EXOC3L2: variants seen among roughly 807,000 people sequenced by gnomAD.
The protein encoded by EXOC3L2 is exocyst complex component 3-like protein 2.
In EXOC3L2, 17 loss-of-function variants were observed where a neutral mutation model predicts 44.4. That is an observed-to-expected ratio of 0.38 (90% CI 0.26 to 0.57). The LOEUF (loss-of-function observed/expected upper bound fraction) is 0.57, where lower values mean the gene tolerates loss of function less well. Among genes scored for constraint, EXOC3L2 ranks in the 20% least tolerant of loss-of-function variants. EXOC3L2 has a pLI of 0.65. For missense variants in EXOC3L2, 541 were observed against 588.4 expected (o/e 0.92, Z 0.83); for synonymous variants, 256 against 253.7 (o/e 1.01, Z -0.09).
intron 11 of EXOC3L2, 131 bp downstream of exon 11, chr19:45,215,942 G>T: frequency 1.5e-6 from 2 of 1,312,502 alleles, no homozygotes; most frequent in African/African-American, 1.5e-5. Flanking sequence ...CCTGGTTCCA[G>T]CAGGAAACGG....
rs11667509 is a variant in EXOC3L2 at position 45,212,934 on chromosome 19, G to C, written c.*135C>G. On this transcript the variant is annotated 3_prime_UTR_variant, in exon 12 of 12. Coordinates refer to ENST00000413988, the MANE Select transcript of EXOC3L2 (RefSeq NM_001382422.1). ...CTTCTGTACAGGGAGTTTGGGGTTG[G>C]GTGAAAAGACATCTAAGGGTCTTTC... 359,057 of 1,020,906 alleles carry C rather than the reference G, an allele frequency of 0.35. 68,960 individuals are homozygous for C. The highest frequency in any genetic ancestry group is 0.51 in the Middle Eastern group (1,568 of 3,096). The allele number at this position is 1,020,906 out of a possible 1,614,324, so 63.2% of individuals were successfully genotyped here.
In EXOC3L2 at chr19:45,215,565, GGAT is replaced by G. The variant is rs369100560; in HGVS notation, c.2120+505_2120+507del. Among the ~76,000 whole-genome samples the G allele has an allele frequency of 3.4e-3, 522 of 152,030 alleles. 5 individuals carry two copies. The highest frequency in any genetic ancestry group is 5.9e-3 in the Non-Finnish European group (401 of 67,958). ...GAACTGGAATTGTTACTATAGTCAT[GGAT>G]GATGATGATGATGATGATGATGATA... On this transcript the variant is annotated intron_variant, in intron 11 of 11. Transcript: ENST00000413988.
intron 11 of EXOC3L2, 49 bp downstream of exon 11, chr19:45,216,024 G>C: frequency 1.9e-6 from 3 of 1,605,290 alleles, no homozygotes; most frequent in Non-Finnish European, 2.6e-6. Context: ...AGGCCGCCAG[G>C]AGACCTCGGC....
intron 9 of EXOC3L2, 97 bp from the exon 10 acceptor site, chr19:45,217,780 T>A: frequency 1.5e-6 from 2 of 1,330,026 alleles, no homozygotes; most frequent in Non-Finnish European, 1.9e-6. Context: ...CTCGCCCACA[T>A]CCACTCCGGG....
At chr19:45,231,070 A>T (rs773141460) in intron 4 of EXOC3L2, among the ~76,000 whole-genome samples, 49 of 151,968 alleles carry the variant, frequency 3.2e-4, no homozygotes, top group Non-Finnish European at 6.5e-4. Flanking sequence ...GCCTGGGCAA[A>T]AGAGGGAGAC....
At chr19:45,220,476 AC>A (rs1383906993) in intron 8 of EXOC3L2, among the ~76,000 whole-genome samples, 8 of 152,188 alleles carry the variant, frequency 5.3e-5, no homozygotes, top group African/African-American at 1.9e-4. Flanking sequence ...TCTCAAAAAA[AC>A]AAACAGAAAC....
intron 11 of EXOC3L2, among the ~76,000 whole-genome samples, chr19:45,215,714 C>T (rs1422078510): frequency 5.3e-5 from 8 of 152,144 alleles, no homozygotes; most frequent in Non-Finnish European, 1.0e-4. Context: ...ATGCCGCCTG[C>T]GCCTGCCGCT....
chr19:45,229,312 GTATTAAATATATACATATA>G, intron 4 of EXOC3L2, among the ~76,000 whole-genome samples: 1 of 117,270 alleles, frequency 8.5e-6, no homozygotes, highest in Non-Finnish European at 1.7e-5. Flanking sequence ...ATATATTTAT[GTATTAAATATATACATATA>G]TTTATGTATT....
intron 8 of EXOC3L2, among the ~76,000 whole-genome samples, chr19:45,223,108 G>C (rs1969915793): frequency 6.6e-6 from 1 of 152,096 alleles, no homozygotes; most frequent in Non-Finnish European, 1.5e-5. Flanking sequence ...CAAATAAATA[G>C]GCAGGGCGAG....
Position 45,227,267 on chromosome 19 carries a change from G to C in EXOC3L2, c.1583+395C>G, listed in dbSNP as rs191036928. ...CGAGTAGCTGGGACTACAGGTGCCC[G>C]CCACCATGCCCGGCTAATTTTTTTT... On this transcript the variant is annotated intron_variant, in intron 7 of 11. Transcript: ENST00000413988. Among the ~76,000 whole-genome samples the C allele has an allele frequency of 9.0e-3, 1,333 of 147,362 alleles. 72 individuals carry two copies. The East Asian group carries it at 0.14, about 15-fold the overall frequency.
In EXOC3L2 at chr19:45,217,687, G is replaced by A; in HGVS notation, c.1843-4C>T. ...GGTGTAGCTCGGCTACCAGCGCCTGGAGGCGGAGGAGGGAAACCCGAGGGG... is the reference window on the plus strand; with the variant it reads ...GGTGTAGCTCGGCTACCAGCGCCTGAAGGCGGAGGAGGGAAACCCGAGGGG... On this transcript the variant is annotated splice_polypyrimidine_tract_variant and splice_region_variant and intron_variant, in intron 9 of 11. Transcript: ENST00000413988. The A allele has an allele frequency of 7.2e-7, 1 of 1,398,594 alleles. No homozygotes were observed. The highest frequency in any genetic ancestry group is 1.6e-5 in the South Asian group (1 of 63,456). 86.6% of individuals were successfully genotyped at this position (1,398,594 alleles called of 1,614,324 possible).
intron 11 of EXOC3L2, among the ~76,000 whole-genome samples, chr19:45,215,002 A>G (rs1385159539): frequency 6.6e-6 from 1 of 151,868 alleles, no homozygotes; most frequent in Non-Finnish European, 1.5e-5. Context: ...CTAAAAATAC[A>G]AAAATTAGCC....
intron 8 of EXOC3L2, among the ~76,000 whole-genome samples, chr19:45,220,575 G>A (rs142919531): frequency 6.2e-4 from 95 of 152,272 alleles, no homozygotes; most frequent in African/African-American, 1.8e-3. Flanking sequence ...CCAAGATTGG[G>A]CCTTTCGAAG....
chr19:45,244,830 G>A lies in EXOC3L2; in HGVS notation c.-17+511C>T, dbSNP rs983469569. ...CCAGTGCAACCCCAATCTAGTCCTT[G>A]ACCCCAAACACAATCCTGTCATCAG... On this transcript the variant is annotated intron_variant, in intron 1 of 11. Transcript: ENST00000413988. Among the ~76,000 whole-genome samples, 7 of 151,706 alleles carry A rather than the reference G, an allele frequency of 4.6e-5. No homozygotes were observed. In the South Asian group the frequency reaches 6.3e-4, roughly 14 times the overall value.
intron 3 of EXOC3L2, among the ~76,000 whole-genome samples, chr19:45,233,906 G>GT (rs970330788): frequency 9.2e-5 from 14 of 152,316 alleles, no homozygotes; most frequent in African/African-American, 3.4e-4. Context: ...GATCTAGAGT[G>GT]TAAGTGTTGA....
chr19:45,230,464 C>T (rs976503029), intron 4 of EXOC3L2, among the ~76,000 whole-genome samples: 16 of 152,106 alleles, frequency 1.1e-4, no homozygotes, highest in African/African-American at 3.1e-4. Context: ...GTGATCCACC[C>T]GCCTCGGCCT....
chr19:45,215,971 G>A (rs1015500192), intron 11 of EXOC3L2, 102 bp downstream of exon 11: 24 of 1,502,300 alleles, frequency 1.6e-5, no homozygotes, highest in South Asian at 5.0e-5. Context: ...CACGCTCACC[G>A]GCTCCCTCCC....
intron 1 of EXOC3L2, among the ~76,000 whole-genome samples, chr19:45,243,785 A>G (rs1970148758): frequency 6.6e-6 from 1 of 152,196 alleles, no homozygotes; most frequent in African/African-American, 2.4e-5. Context: ...GCCCACCACC[A>G]CGCCTGGCTA....
rs1048383365 is a variant in EXOC3L2 at position 45,234,797 on chromosome 19, G to A, written c.553C>T (p.Arg185Cys). ...VLEILSLIQQRELARADEHIL... is the reference protein window; with the variant it reads ...VLEILSLIQQCELARADEHIL... ...TGCTCGTCCGCACGCGCTAGTTCGC[G>A]CTGCTGGATCAGGCTCAGGATCTCC... The change falls in exon 3 of 12, where the codon CGC becomes TGC. Residue 185 changes from arginine (R) to cysteine (C), a missense_variant. Arg to Cys is a radical substitution (Grantham distance 180, BLOSUM62 -3). Coordinates refer to ENST00000413988, the MANE Select transcript of EXOC3L2 (RefSeq NM_001382422.1). The surrounding 1 kb of genome is among the most constrained non-coding windows in gnomAD (Gnocchi z 5.0). The A allele has an allele frequency of 5.1e-6, 2 of 395,870 alleles. No homozygotes were observed. Among genetic ancestry groups the A allele is most frequent in the Non-Finnish European group, 8.9e-6 (2 of 224,192 alleles). The allele number at this position is 395,870 out of a possible 1,614,324, so 24.5% of individuals were successfully genotyped here.
Sources: gnomAD v4.1 joint callset for allele counts (sites outside exome capture counted in the v4.1 genomes callset) on GRCh38, gnomAD v4.1.1 for gene constraint, Gnocchi (gnomAD v3.1) non-coding constraint, MANE v1.5 for transcripts, NCBI Gene and HGNC (gene_info 2026-07-23, HGNC 2026-07-21) for gene names.